Variants in FUT8 observed in about 807,000 individuals in gnomAD.
FUT8 encodes alpha-(1,6)-fucosyltransferase.
FUT8 carries 29 observed loss-of-function variants against 71.3 expected under a neutral mutation model. The observed-to-expected ratio is 0.41, with a 90% confidence interval of 0.30 to 0.55. FUT8 has a LOEUF of 0.55. Among genes scored for constraint, FUT8 ranks in the 20% least tolerant of loss-of-function variants. The probability of loss-of-function intolerance (pLI) is 0.34; values close to 1 mark genes in which losing one functional copy is unlikely to be tolerated. For missense variants in FUT8, 544 were observed against 702.1 expected, an observed-to-expected ratio of 0.77 and a Z score of 2.55; for synonymous variants, 254 against 239.3, an observed-to-expected ratio of 1.06 and a Z score of -0.57.
At chr14:65,554,562 C>G (rs1408848261) in intron 2 of FUT8, among the ~76,000 whole-genome samples, 2 of 151,810 alleles carry the variant, frequency 1.3e-5, no homozygotes, top group Non-Finnish European at 2.9e-5. Flanking sequence ...TACCCTTCTT[C>G]TTTGATGATG....
intron 1 of FUT8, among the ~76,000 whole-genome samples, chr14:65,441,529 T>C (rs940548218): frequency 4.6e-5 from 7 of 151,886 alleles, no homozygotes; most frequent in African/African-American, 1.5e-4. Flanking sequence ...TCACCTGAGG[T>C]TGGGAGTTCA....
intron 2 of FUT8, among the ~76,000 whole-genome samples, chr14:65,543,426 G>C (rs899204802): frequency 1.3e-5 from 2 of 152,036 alleles, no homozygotes; most frequent in Non-Finnish European, 2.9e-5. Flanking sequence ...TCTGTTTTAG[G>C]TGCTATGTAT....
intron 2 of FUT8, among the ~76,000 whole-genome samples, chr14:65,520,219 G>A (rs919952340): frequency 2.2e-5 from 3 of 137,312 alleles, no homozygotes; most frequent in African/African-American, 8.2e-5. Flanking sequence ...TTTGAGGGAG[G>A]TATGTCTACA....
intron 3 of FUT8, among the ~76,000 whole-genome samples, chr14:65,605,858 A>C (rs1297447623): frequency 6.6e-6 from 1 of 151,844 alleles, no homozygotes; most frequent in Non-Finnish European, 1.5e-5. Context: ...AATGCTGATC[A>C]TTTCTCAGGA....
chr14:65,498,866 G>A (rs1011754954), intron 2 of FUT8, among the ~76,000 whole-genome samples: 1 of 152,158 alleles, frequency 6.6e-6, no homozygotes, highest in Admixed American at 6.6e-5. Flanking sequence ...TACAGAGAAG[G>A]AGAAAAATCA....
the FUT8 span, among the ~76,000 whole-genome samples, chr14:65,404,512 T>G: frequency 1.5e-4 from 22 of 150,398 alleles, no homozygotes; most frequent in African/African-American, 5.4e-4. Flanking sequence ...AGTCTTGCTC[T>G]GTCGCCAGGC....
intron 2 of FUT8, among the ~76,000 whole-genome samples, chr14:65,526,230 A>T (rs1018883966): frequency 6.6e-6 from 1 of 152,178 alleles, no homozygotes; most frequent in African/African-American, 2.4e-5. Flanking sequence ...GACTTGCTTT[A>T]TGAATCTGGG....
chr14:65,377,876 G>T, the FUT8 span, among the ~76,000 whole-genome samples: 1 of 151,874 alleles, frequency 6.6e-6, no homozygotes, highest in East Asian at 1.9e-4. Flanking sequence ...GATATAATAC[G>T]GTTATAAAGC....
chr14:65,361,952 T>C, the FUT8 span, among the ~76,000 whole-genome samples: 6 of 152,204 alleles, frequency 3.9e-5, no homozygotes, highest in Non-Finnish European at 8.8e-5. Context: ...TTATAAACTT[T>C]CATCAGCTGT....
rs1334512519 is a variant in FUT8 at position 65,627,331 on chromosome 14, T to G, written c.483-2161T>G. On this transcript the variant is annotated intron_variant, in intron 5 of 10. Transcript: ENST00000673929. The surrounding 1 kb of genome is among the most constrained non-coding windows in gnomAD (Gnocchi z 4.0). ...TTCTTGCTTCCTTGGAGGAAATAAT[T>G]TGGCCAGGGGAACATAAGGCAGAGT... 6.6e-6 allele frequency among the ~76,000 whole-genome samples: 1 copy of G among 152,080 alleles called. No individual in the cohort carries two copies. Among genetic ancestry groups the G allele is most frequent in the Non-Finnish European group, 1.5e-5 (1 of 68,004 alleles).
chr14:65,730,807 G>T (rs1413614121), intron 9 of FUT8, among the ~76,000 whole-genome samples: 1 of 152,196 alleles, frequency 6.6e-6, no homozygotes, highest in African/African-American at 2.4e-5. Flanking sequence ...GACAGTCAAA[G>T]AAATAAGAAC....
intron 5 of FUT8, among the ~76,000 whole-genome samples, chr14:65,622,830 A>T (rs1049793168): frequency 6.6e-6 from 1 of 151,004 alleles, no homozygotes; most frequent in Non-Finnish European, 1.5e-5. Context: ...TCTTAGTCAC[A>T]TTTACCCCCG....
At chr14:65,588,849 A>G (rs1215689525) in intron 3 of FUT8, among the ~76,000 whole-genome samples, 2 of 152,202 alleles carry the variant, frequency 1.3e-5, no homozygotes, top group Non-Finnish European at 1.5e-5. Context: ...AAACGTTATA[A>G]TAAGTATATA....
At chr14:65,386,667 A>C in the FUT8 span, among the ~76,000 whole-genome samples, 1 of 151,870 alleles carries the variant, frequency 6.6e-6, no homozygotes, top group South Asian at 2.1e-4. Context: ...TTTATTTATT[A>C]CCTGTATCAT....
intron 6 of FUT8, among the ~76,000 whole-genome samples, chr14:65,639,952 G>A (rs1890749881): frequency 6.6e-6 from 1 of 152,088 alleles, no homozygotes. Flanking sequence ...ATAACCAGTT[G>A]TTGATCAAGT....
intron 1 of FUT8, among the ~76,000 whole-genome samples, chr14:65,439,539 A>C (rs1001124743): frequency 2.0e-5 from 3 of 152,162 alleles, no homozygotes; most frequent in Admixed American, 6.5e-5. Flanking sequence ...ATATTTAAAA[A>C]ATTTTAAAGG....
the FUT8 span, among the ~76,000 whole-genome samples, chr14:65,383,278 T>C: frequency 3.7e-5 from 5 of 136,974 alleles, no homozygotes; most frequent in Middle Eastern, 3.3e-3. Flanking sequence ...TTTTTTTTTT[T>C]TTTTTTTTTT....
At chr14:65,477,564 T>A (rs888956789) in intron 2 of FUT8, among the ~76,000 whole-genome samples, 1 of 152,338 alleles carries the variant, frequency 6.6e-6, no homozygotes, top group Admixed American at 6.5e-5. Context: ...GATGACCTGT[T>A]CTGGGTGTGT....
At chr14:65,412,132 G>C (rs969056730), upstream of FUT8, 5 of 456,710 alleles carry the variant, frequency 1.1e-5, no homozygotes, top group South Asian at 4.6e-5. Context: ...GCCCTCGTGG[G>C]GGGGGTCTTT....
Sources: allele counts gnomAD v4.1 joint callset (sites outside exome capture counted in the v4.1 genomes callset), GRCh38; gene constraint gnomAD v4.1.1; non-coding constraint Gnocchi (gnomAD v3.1); transcripts MANE v1.5; gene names NCBI Gene and HGNC (gene_info 2026-07-23, HGNC 2026-07-21).